Variants in MRAP observed in about 807,000 individuals in gnomAD.
MRAP encodes the protein melanocortin-2 receptor accessory protein.
MRAP carries 8 observed loss-of-function variants against 8.7 expected under a neutral mutation model. That is an observed-to-expected ratio of 0.92 (90% confidence interval 0.54 to 1.66). MRAP has a LOEUF of 1.66. Among genes scored for constraint, MRAP ranks in the 40% most tolerant of loss-of-function variants. MRAP has a pLI of 0.00. For synonymous variants in MRAP, 95 were observed against 95.5 expected, an observed-to-expected ratio of 1.00 and a Z score of 0.03; for missense variants, 237 against 217.1, an observed-to-expected ratio of 1.09 and a Z score of -0.58.
downstream of MRAP, chr21:32,314,454 G>C: frequency 8.8e-7 from 1 of 1,136,372 alleles, no homozygotes; most frequent in South Asian, 1.3e-5. Context: ...CAAAGTGCTG[G>C]GATTATAGGC....
At position 32,304,644 on chromosome 21, in the gene MRAP, AAAAC is replaced by A. The variant is rs972120979; in HGVS notation, c.107-1980_107-1977del. ...AAAAAAAACAAACAAAAAACAAAAC[AAAAC>A]AAACAAACAAACAAAACAAACCAAA... On this transcript the variant is annotated intron_variant, in intron 1 of 2. Transcript: ENST00000303645. 3.6e-3 allele frequency among the ~76,000 whole-genome samples: 226 copies of A among 62,250 alleles called. 2 individuals carry two copies. The highest frequency in any genetic ancestry group is 1.0e-2 in the African/African-American group (204 of 20,502). The allele number at this position is 62,250 out of a possible 152,430, so 40.8% of individuals were successfully genotyped here. A position where few individuals can be genotyped will look rare whatever the true frequency, so the allele number is the denominator to read the frequency against.
upstream of MRAP, among the ~76,000 whole-genome samples, chr21:32,297,745 A>G (rs146493603): frequency 7.9e-5 from 12 of 152,354 alleles, no homozygotes; most frequent in Non-Finnish European, 1.5e-4. Flanking sequence ...TCAGAAATGT[A>G]CGGTGTAGCG....
At chr21:32,312,407 C>A, downstream of MRAP, 1 of 944,022 alleles carries the variant, frequency 1.1e-6, no homozygotes, top group Non-Finnish European at 1.4e-6. Flanking sequence ...AAGTTCCCAT[C>A]CAAGCTCCAC....
At chr21:32,298,829 T>C (rs2298359), upstream of MRAP, 37,631 of 683,168 alleles carry the variant, frequency 0.055, 1,260 homozygotes, top group South Asian at 0.089. Flanking sequence ...CTCTGATAAG[T>C]GGGCAGACCT....
intron 1 of MRAP, among the ~76,000 whole-genome samples, chr21:32,305,249 T>C (rs540637159): frequency 1.3e-5 from 2 of 152,260 alleles, no homozygotes; most frequent in Non-Finnish European, 2.9e-5. Context: ...GTTGGGATTA[T>C]AGGCATGGGC....
intron 2 of MRAP, among the ~76,000 whole-genome samples, chr21:32,307,403 CCT>C (rs2032446322): frequency 6.6e-6 from 1 of 151,584 alleles, no homozygotes; most frequent in South Asian, 2.1e-4. Flanking sequence ...TTGGTGAAAC[CCT>C]GTCTCTACTA....
At chr21:32,296,631 TAA>T (rs2123491892), upstream of MRAP, among the ~76,000 whole-genome samples, 1 of 152,328 alleles carries the variant, frequency 6.6e-6, no homozygotes, top group South Asian at 2.1e-4. Context: ...TCCAAGGCTA[TAA>T]ACCTATTGTT....
chr21:32,298,819 C>T (rs2032190497), upstream of MRAP: 1 of 664,190 alleles, frequency 1.5e-6, no homozygotes, highest in Admixed American at 2.1e-5. Context: ...AGCCAAATAG[C>T]TCTGATAAGT....
chr21:32,312,114 A>G lies in MRAP; in HGVS notation c.*118A>G. On this transcript the variant is annotated 3_prime_UTR_variant, in exon 3 of 3. Coordinates refer to ENST00000303645, the MANE Select transcript of MRAP (RefSeq NM_001379228.1). The stretch of plus-strand genomic sequence containing the variant: ...TGTAGCAGAAAGGGCACCTAGGTCA[A>G]GTGCAACTAGAGCAGGAGCATCCTA... 1.3e-6 allele frequency: 2 copies of G among 1,564,392 alleles called. No individual in the cohort carries two copies. The highest frequency in any genetic ancestry group is 2.3e-5 in the East Asian group (1 of 43,342).
At position 32,311,970 on chromosome 21, in the gene MRAP, G is replaced by A. The variant is rs148892790; in HGVS notation, c.493G>A (p.Asp165Asn). 9.9e-6 allele frequency: 16 copies of A among 1,613,328 alleles called. No individual in the cohort carries two copies. Among genetic ancestry groups the A allele is most frequent in the Non-Finnish European group, 1.4e-5 (16 of 1,180,056 alleles). Residue 165 changes from aspartate (D) to asparagine (N), a missense_variant, in exon 3 of 3, where the codon GAC (aspartate) becomes AAC (asparagine). Asp to Asn is a conservative substitution (Grantham distance 23, BLOSUM62 1). Coordinates refer to ENST00000303645, the MANE Select transcript of MRAP (RefSeq NM_001379228.1). ...RSKPSEPPPG[D>N]RTSQLQS Reference sequence around the variant, plus strand: ...CAAGCCCAGCGAGCCTCCCCCTGGAGACAGGACCTCTCAATTGCAGAGCTG... The same window carrying A: ...CAAGCCCAGCGAGCCTCCCCCTGGAAACAGGACCTCTCAATTGCAGAGCTG...
upstream of MRAP, among the ~76,000 whole-genome samples, chr21:32,296,599 C>G (rs2032143653): frequency 6.6e-6 from 1 of 152,162 alleles, no homozygotes; most frequent in South Asian, 2.1e-4. Flanking sequence ...CACACCTCGG[C>G]TGAACGGCCT....
intron 2 of MRAP, chr21:32,306,945 T>C: frequency 3.2e-6 from 2 of 631,736 alleles, no homozygotes; most frequent in South Asian, 1.7e-5. Flanking sequence ...TTGAGCCTCA[T>C]GTCAGTGCTC....
chr21:32,314,657 G>C (rs771307206), downstream of MRAP: 2 of 1,613,472 alleles, frequency 1.2e-6, no homozygotes, highest in Admixed American at 1.7e-5. Flanking sequence ...GGCCTGACGA[G>C]GCACTGGATG....
At chr21:32,312,293 T>C, downstream of MRAP, 2 of 1,343,240 alleles carry the variant, frequency 1.5e-6, no homozygotes, top group East Asian at 3.2e-5. Flanking sequence ...GAGGAAAAGC[T>C]GTTTGCTTAC....
Position 32,311,801 on chromosome 21 carries a change from G to A in MRAP, c.324G>A (p.Ala108=), listed in dbSNP as rs374356072. The A allele has an allele frequency of 1.2e-5, 20 of 1,613,942 alleles. No individual in the cohort carries two copies. The highest frequency in any genetic ancestry group is 2.2e-5 in the South Asian group (2 of 91,082). Residue 108 remains alanine, a synonymous_variant, in exon 3 of 3, where the codon GCG becomes GCA. Coordinates refer to ENST00000303645, the MANE Select transcript of MRAP (RefSeq NM_001379228.1). ...REPLATSQAQ[A]SSVEPGSRTG... is the part of the protein sequence containing the mutation. Reference sequence around the variant, plus strand: ...CCCTGGCAACCTCACAGGCTCAGGCGAGCTCAGTGGAGCCAGGGAGCAGAA... The same window carrying A: ...CCCTGGCAACCTCACAGGCTCAGGCAAGCTCAGTGGAGCCAGGGAGCAGAA...
At chr21:32,298,821 C>G, upstream of MRAP, 2 of 668,912 alleles carry the variant, frequency 3.0e-6, no homozygotes. Flanking sequence ...CCAAATAGCT[C>G]TGATAAGTGG....
downstream of MRAP, chr21:32,313,429 A>G (rs2032625901): frequency 6.6e-6 from 1 of 152,216 alleles, no homozygotes; most frequent in Non-Finnish European, 1.5e-5. Flanking sequence ...GCTTGGATCT[A>G]AACGTGGGAT....
intron 1 of MRAP, among the ~76,000 whole-genome samples, chr21:32,304,665 C>CAAACAAACAAACA (rs2032363624): frequency 7.6e-5 from 1 of 13,232 alleles, no homozygotes. Context: ...ACAAACAAAA[C>CAAACAAACAAACA]AAACCAAAAA....
At chr21:32,303,945 A>G (rs114983177) in intron 1 of MRAP, among the ~76,000 whole-genome samples, 2,727 of 152,298 alleles carry the variant, frequency 0.018, 79 homozygotes, top group African/African-American at 0.062. Flanking sequence ...ATATGAAGAC[A>G]CTGCGTTCTG....
Sources: allele counts gnomAD v4.1 joint callset (sites outside exome capture counted in the v4.1 genomes callset), GRCh38; gene constraint gnomAD v4.1.1; transcripts MANE v1.5; gene names NCBI Gene and HGNC (gene_info 2026-07-23, HGNC 2026-07-21).